BICD1: variants seen among roughly 807,000 people sequenced by gnomAD.
BICD1 encodes protein bicaudal D homolog 1.
Under a neutral mutation model 92.5 loss-of-function variants are expected in BICD1, and 35 were observed. The observed-to-expected ratio is 0.38, with a 90% CI of 0.29 to 0.50. BICD1 has a LOEUF of 0.50. Ranked by LOEUF, BICD1 falls within the 20% of genes least tolerant of loss-of-function variation. The pLI is 0.93. For missense variants in BICD1, 950 were observed against 1,189.8 expected (o/e 0.80, Z 2.97); for synonymous variants, 429 against 465.1 (o/e 0.92, Z 1.00).
At chr12:32,292,500 G>C (rs899909102) in intron 2 of BICD1, among the ~76,000 whole-genome samples, 5 of 152,132 alleles carry the variant, frequency 3.3e-5, no homozygotes, top group African/African-American at 7.2e-5. Flanking sequence ...AACCTACATA[G>C]CATGTTTTTG....
At chr12:32,152,243 T>C (rs942409400) in intron 1 of BICD1, among the ~76,000 whole-genome samples, 5 of 138,262 alleles carry the variant, frequency 3.6e-5, no homozygotes, top group Non-Finnish European at 7.8e-5. Context: ...AGGCAGAGAC[T>C]AGTTTTTTTT....
intron 2 of BICD1, among the ~76,000 whole-genome samples, chr12:32,251,056 C>T (rs1235993450): frequency 6.6e-6 from 1 of 152,046 alleles, no homozygotes; most frequent in African/African-American, 2.4e-5. Flanking sequence ...GAGTTAGAAC[C>T]TATATAAAAT....
intron 9 of BICD1, among the ~76,000 whole-genome samples, chr12:32,372,779 C>T (rs1244286431): frequency 1.3e-5 from 2 of 151,948 alleles, no homozygotes; most frequent in South Asian, 2.1e-4. Context: ...CAGGAGGCTG[C>T]GGTGGGAGGA....
intron 1 of BICD1, among the ~76,000 whole-genome samples, chr12:32,195,421 T>TA (rs1177840091): frequency 6.6e-6 from 1 of 152,194 alleles, no homozygotes; most frequent in African/African-American, 2.4e-5. Flanking sequence ...GGAACTGGCC[T>TA]AAAAACGGCC....
chr12:32,293,484 ATTTT>A (rs55803746), intron 2 of BICD1, among the ~76,000 whole-genome samples: 2 of 143,946 alleles, frequency 1.4e-5, no homozygotes, highest in African/African-American at 2.6e-5. Context: ...CGCCTGGCTA[ATTTT>A]TTTTTTTTTT....
chr12:32,331,310 G>A (rs1023791462), intron 5 of BICD1, among the ~76,000 whole-genome samples: 11 of 152,288 alleles, frequency 7.2e-5, no homozygotes, highest in African/African-American at 1.7e-4. Context: ...GCAATTGCCT[G>A]TAGCTGTTTA....
intron 8 of BICD1, among the ~76,000 whole-genome samples, chr12:32,344,068 A>G (rs369627129): frequency 5.9e-5 from 9 of 152,366 alleles, no homozygotes; most frequent in African/African-American, 2.2e-4. Flanking sequence ...ATACAATGAT[A>G]TTCAAATAAA....
chr12:32,330,360 T>C (rs967378850), intron 5 of BICD1, among the ~76,000 whole-genome samples: 35 of 137,716 alleles, frequency 2.5e-4, no homozygotes, highest in African/African-American at 6.7e-4. Context: ...CGCTCATAGG[T>C]GGGAATCGAA....
chr12:32,376,874 AAAG>A (rs1259778992), intron 9 of BICD1, among the ~76,000 whole-genome samples: 1 of 65,848 alleles, frequency 1.5e-5, no homozygotes, highest in Admixed American at 1.5e-4. Flanking sequence ...TCTAAAAAAA[AAAG>A]GGGGGGGGGG....
chr12:32,235,553 T>C (rs1454141625), intron 2 of BICD1, among the ~76,000 whole-genome samples: 1 of 15,450 alleles, frequency 6.5e-5, no homozygotes, highest in African/African-American at 4.2e-4. Context: ...TGGAAGATAT[T>C]GTGGGTTTTT....
At position 32,315,249 on chromosome 12, in the gene BICD1, C is replaced by T. The variant is rs181304391; in HGVS notation, c.1005+9127C>T. ...TTCCCCTATTGAATTATCTTTGTACCCTTGTCCAAAATCAACTGGTCATAG... is the reference window on the plus strand; with the variant it reads ...TTCCCCTATTGAATTATCTTTGTACTCTTGTCCAAAATCAACTGGTCATAG... On this transcript the variant is annotated intron_variant, in intron 4 of 9. Transcript: ENST00000652176. Among the ~76,000 whole-genome samples the T allele has an allele frequency of 5.6e-4, 85 of 152,246 alleles. 1 individual carries two copies. In the East Asian group the frequency reaches 0.016, roughly 29 times the overall value.
chr12:32,165,713 A>T (rs1444880600), intron 1 of BICD1, among the ~76,000 whole-genome samples: 1 of 151,010 alleles, frequency 6.6e-6, no homozygotes, highest in African/African-American at 2.4e-5. Flanking sequence ...ATTTGAGTTG[A>T]TGCTCTGTCA....
intron 8 of BICD1, among the ~76,000 whole-genome samples, chr12:32,345,006 T>C (rs1047104248): frequency 1.3e-5 from 2 of 152,092 alleles, no homozygotes; most frequent in Non-Finnish European, 2.9e-5. Context: ...AAAACAAAAG[T>C]TAAATCAAAA....
chr12:32,114,019 G>A (rs1239467752), intron 1 of BICD1, among the ~76,000 whole-genome samples: 4 of 152,074 alleles, frequency 2.6e-5, no homozygotes, highest in South Asian at 2.1e-4. Flanking sequence ...ATAGGCGCGC[G>A]CCACCACGCC....
At chr12:32,335,245 G>T (rs950726437) in intron 6 of BICD1, among the ~76,000 whole-genome samples, 1 of 151,970 alleles carries the variant, frequency 6.6e-6, no homozygotes, top group East Asian at 1.9e-4. Context: ...CCGCCTCCCG[G>T]GTTCTAGCGA....
At chr12:32,254,938 A>T (rs1306090176) in intron 2 of BICD1, among the ~76,000 whole-genome samples, 2 of 152,146 alleles carry the variant, frequency 1.3e-5, no homozygotes, top group Non-Finnish European at 2.9e-5. Context: ...AGATTCATTC[A>T]TTCTTCTTGG....
chr12:32,206,542 G>T (rs1945060539), intron 1 of BICD1, among the ~76,000 whole-genome samples: 1 of 152,164 alleles, frequency 6.6e-6, no homozygotes, highest in Admixed American at 6.5e-5. Flanking sequence ...GGAGATGGAG[G>T]TTGCAGTGAG....
intron 9 of BICD1, among the ~76,000 whole-genome samples, chr12:32,376,878 G>A (rs201620432): frequency 2.2e-4 from 3 of 13,782 alleles, no homozygotes; most frequent in East Asian, 4.5e-3. Flanking sequence ...AAAAAAAAAG[G>A]GGGGGGGGGG....
chr12:32,375,209 G>A (rs1336947862), intron 9 of BICD1, among the ~76,000 whole-genome samples: 5 of 151,830 alleles, frequency 3.3e-5, no homozygotes, highest in South Asian at 2.1e-4. Flanking sequence ...ACAGGCGTGC[G>A]CCACCGCGCC....
Sources: allele counts gnomAD v4.1 joint callset (sites outside exome capture counted in the v4.1 genomes callset), GRCh38; gene constraint gnomAD v4.1.1; transcripts MANE v1.5; gene names NCBI Gene and HGNC (gene_info 2026-07-23, HGNC 2026-07-21).